Variants in ZNF705A observed in about 807,000 individuals in gnomAD.
The protein encoded by ZNF705A is zinc finger protein 705A.
A neutral mutation model predicts 16.6 loss-of-function variants in ZNF705A; 8 were observed. The observed-to-expected ratio is 0.48, with a 90% CI of 0.28 to 0.87. The LOEUF (loss-of-function observed/expected upper bound fraction) is 0.87, where lower values mean the gene tolerates loss of function less well. Among genes scored for constraint, ZNF705A ranks in the 40% least tolerant of loss-of-function variants. The probability of loss-of-function intolerance (pLI) is 0.10; values close to 1 mark genes in which losing one functional copy is unlikely to be tolerated. For missense variants in ZNF705A, 233 were observed against 359.9 expected, an observed-to-expected ratio of 0.65 and a Z score of 2.85; for synonymous variants, 73 against 117.3, an observed-to-expected ratio of 0.62 and a Z score of 2.44.
Position 8,172,710 on chromosome 12 carries a change from G to T in ZNF705A, c.12+73G>T, listed in dbSNP as rs1031148932. 1.5e-5 allele frequency: 24 copies of T among 1,573,800 alleles called. No individual in the cohort carries two copies. In the Admixed American group the frequency reaches 3.9e-4, roughly 25 times the overall value. On this transcript the variant is annotated intron_variant, in intron 1 of 4. Coordinates refer to ENST00000359286, the Ensembl canonical transcript of ZNF705A. Reference sequence around the variant, plus strand: ...GCAAGTGGGCATTTTTCTCCAATTTGCATGGGTGTTTCATTTTTATTCTTT... The same window carrying T: ...GCAAGTGGGCATTTTTCTCCAATTTTCATGGGTGTTTCATTTTTATTCTTT...
At chr12:8,174,624 T>C (rs1948471112) in intron 2 of ZNF705A, among the ~76,000 whole-genome samples, 172 bp downstream of exon 3, 1 of 152,198 alleles carries the variant, frequency 6.6e-6, no homozygotes, top group Non-Finnish European at 1.5e-5. Context: ...ATATCTTTCT[T>C]TTTATTTTAT....
intron 1 of ZNF705A, among the ~76,000 whole-genome samples, chr12:8,166,545 A>C (rs765732028): frequency 6.8e-4 from 104 of 152,336 alleles, no homozygotes; most frequent in African/African-American, 2.4e-3. Context: ...GATGTAAGAC[A>C]TGCCTTTTGC....
At chr12:8,178,634 G>T (rs780178213) in exon 5 of ZNF705A, 11 of 152,268 alleles carry the variant, frequency 7.2e-5, no homozygotes, top group Non-Finnish European at 1.0e-4. Flanking sequence ...TAAAAATGTG[G>T]CATATAAATG....
chr12:8,166,489 G>T (rs1370404452), intron 1 of ZNF705A, among the ~76,000 whole-genome samples: 1 of 152,188 alleles, frequency 6.6e-6, no homozygotes, highest in African/African-American at 2.4e-5. Context: ...GTTTGATAAG[G>T]GGAAACCAGT....
chr12:8,160,596 A>G (rs1427895732), intron 1 of ZNF705A, among the ~76,000 whole-genome samples: 3 of 150,536 alleles, frequency 2.0e-5, no homozygotes, highest in Non-Finnish European at 3.0e-5. Flanking sequence ...CTGTTGTAAA[A>G]GAGGTTAAGT....
chr12:8,169,462 A>G (rs1188008999), upstream of ZNF705A, among the ~76,000 whole-genome samples: 2 of 152,224 alleles, frequency 1.3e-5, no homozygotes, highest in South Asian at 2.1e-4. Flanking sequence ...TTTTGGTTTC[A>G]TACTTTAAAA....
chr12:8,177,653 A>G (rs1948497449), exon 5 of ZNF705A: 30 of 1,592,044 alleles, frequency 1.9e-5, no homozygotes, highest in Non-Finnish European at 2.4e-5. Flanking sequence ...CAGTCAATGT[A>G]CTAGTCTTAA....
chr12:8,163,572 T>C (rs761944025), intron 1 of ZNF705A, among the ~76,000 whole-genome samples: 1 of 152,310 alleles, frequency 6.6e-6, no homozygotes, highest in South Asian at 2.1e-4. Flanking sequence ...GGCATAAACA[T>C]TTTTCCTACT....
intron 1 of ZNF705A, among the ~76,000 whole-genome samples, chr12:8,158,376 C>G (rs1018271301): frequency 6.6e-6 from 1 of 152,078 alleles, no homozygotes; most frequent in African/African-American, 2.4e-5. Flanking sequence ...TTCATCCAAA[C>G]AAAACTATAC....
At chr12:8,173,069 T>C (rs1948457299) in intron 1 of ZNF705A, among the ~76,000 whole-genome samples, 1 of 152,208 alleles carries the variant, frequency 6.6e-6, no homozygotes, top group Non-Finnish European at 1.5e-5. Context: ...ATGCAAGCGA[T>C]AGAGATGAGC....
chr12:8,165,862 T>G (rs1254838036), intron 1 of ZNF705A, among the ~76,000 whole-genome samples: 1 of 152,252 alleles, frequency 6.6e-6, no homozygotes, highest in East Asian at 1.9e-4. Context: ...TTTTTACAGT[T>G]GCATAGTATT....
exon 5 of ZNF705A, chr12:8,177,888 A>T (rs10770297): frequency 2.1e-6 from 1 of 470,368 alleles, no homozygotes; most frequent in African/African-American, 1.9e-5. Flanking sequence ...CACATCAATA[A>T]ATTCATATGG....
At chr12:8,168,886 G>A (rs1948421288), upstream of ZNF705A, 1 of 151,902 alleles carries the variant, frequency 6.6e-6, no homozygotes, top group Admixed American at 6.6e-5. Flanking sequence ...ACCTTATTGA[G>A]GTAAGTACTT....
rs557405224 is a variant in ZNF705A at position 8,164,457 on chromosome 12, G to C, written c.-72+7365G>C. ...CTGAATAATATTCCATTGCGTATATGTATTAGCCATTTATCCTGATACTCT... is the reference window on the plus strand; with the variant it reads ...CTGAATAATATTCCATTGCGTATATCTATTAGCCATTTATCCTGATACTCT... On this transcript the variant is annotated intron_variant, in intron 1 of 5. Transcript: ENST00000396570. Among the ~76,000 whole-genome samples, 113 of 152,296 alleles carry C rather than the reference G, an allele frequency of 7.4e-4. No homozygotes were observed. In the Middle Eastern group the frequency reaches 0.01, roughly 14 times the overall value.
At chr12:8,158,093 C>A (rs1948324666) in intron 1 of ZNF705A, among the ~76,000 whole-genome samples, 1 of 152,058 alleles carries the variant, frequency 6.6e-6, no homozygotes, top group African/African-American at 2.4e-5. Context: ...TCACTCCTGG[C>A]AATAGCAAGC....
exon 5 of ZNF705A, chr12:8,179,903 C>G (rs962140662): frequency 2.6e-5 from 4 of 152,158 alleles, no homozygotes; most frequent in Non-Finnish European, 5.9e-5. Flanking sequence ...AGATCTCCAG[C>G]CATTATTAAA....
rs754840324 is a variant in ZNF705A, at chr12:8,177,531, A to G, written c.851A>G (p.His284Arg). The stretch of plus-strand genomic sequence containing the variant: ...ATAATTCACACTGGAGAGAAACCAC[A>G]TGCTTGTCTTCTATGTGGGAAGGCC... Residue 284 changes from histidine to arginine, a missense_variant, in exon 5 of 5, where the codon CAT becomes CGT. This residue lies in a region of ZNF705A where 220 missense variants were observed against 271.4 expected (regional missense o/e 0.81). Coordinates refer to ENST00000359286, the Ensembl canonical transcript of ZNF705A. 6 of 1,612,324 alleles carry G rather than the reference A, an allele frequency of 3.7e-6. No individual in the cohort carries two copies. In the African/African-American group the frequency reaches 8.0e-5, roughly 22 times the overall value.
At chr12:8,161,827 C>G (rs1353113677) in intron 1 of ZNF705A, among the ~76,000 whole-genome samples, 1 of 152,152 alleles carries the variant, frequency 6.6e-6, no homozygotes, top group Non-Finnish European at 1.5e-5. Flanking sequence ...TATAAAAAAT[C>G]CTTGACCCAG....
chr12:8,170,061 T>A (rs1016005734), upstream of ZNF705A, among the ~76,000 whole-genome samples: 2 of 151,960 alleles, frequency 1.3e-5, no homozygotes, highest in Middle Eastern at 3.2e-3. Context: ...CGATGGCGCA[T>A]GCCTGTCATC....
Sources: gnomAD v4.1 joint callset for allele counts (sites outside exome capture counted in the v4.1 genomes callset) on GRCh38, gnomAD v4.1.1 for gene constraint, gnomAD v4.1.1 regional missense constraint, MANE v1.5 for transcripts, NCBI Gene and HGNC (gene_info 2026-07-23, HGNC 2026-07-21) for gene names.